The following SCFD2 variants were observed in gnomAD, a reference collection of about 807,000 sequenced individuals.
SCFD2 encodes sec1 family domain containing 2, also known as sec1 family domain-containing protein 2.
SCFD2 carries 54 observed loss-of-function variants against 58.9 expected under a neutral mutation model. The ratio of observed to expected loss-of-function variants is 0.92; its 90% CI spans 0.74 to 1.15. SCFD2 has a LOEUF of 1.15. Among genes scored for constraint, SCFD2 ranks in the 50% most tolerant of loss-of-function variants. The probability of loss-of-function intolerance (pLI) is 0.00; values close to 1 mark genes in which losing one functional copy is unlikely to be tolerated. For missense variants in SCFD2, 805 were observed against 836.6 expected (o/e 0.96, Z 0.47); for synonymous variants, 321 against 335.9 (o/e 0.96, Z 0.49).
chr4:53,332,395 C>T (rs1360099497), intron 2 of SCFD2, among the ~76,000 whole-genome samples: 2 of 151,412 alleles, frequency 1.3e-5, no homozygotes, highest in African/African-American at 2.4e-5. Flanking sequence ...AAAGCTTATC[C>T]ACCATGATCA....
intron 8 of SCFD2, among the ~76,000 whole-genome samples, chr4:52,875,810 A>G (rs1221336859): frequency 4.9e-5 from 1 of 20,240 alleles, no homozygotes; most frequent in Non-Finnish European, 9.6e-5. Flanking sequence ...AACTATATAT[A>G]TATATATATA....
chr4:53,040,707 A>T (rs937792965), intron 5 of SCFD2, among the ~76,000 whole-genome samples: 1 of 152,194 alleles, frequency 6.6e-6, no homozygotes, highest in Non-Finnish European at 1.5e-5. Context: ...CTTCCAATGC[A>T]TGCTTCTTAC....
chr4:53,024,500 T>C (rs1186908483), intron 5 of SCFD2, among the ~76,000 whole-genome samples: 1 of 152,176 alleles, frequency 6.6e-6, no homozygotes, highest in East Asian at 1.9e-4. Flanking sequence ...GAATGAATAG[T>C]TGCATGAATA....
At chr4:52,965,917 T>C (rs2109545870) in intron 5 of SCFD2, among the ~76,000 whole-genome samples, 1 of 152,358 alleles carries the variant, frequency 6.6e-6, no homozygotes, top group Middle Eastern at 3.4e-3. Flanking sequence ...ATGCTACCAG[T>C]TATTGTAATT....
In SCFD2 at chr4:53,085,371, A is replaced by G. The variant is rs565986934; in HGVS notation, c.1561+59962T>C. 1.8e-4 allele frequency among the ~76,000 whole-genome samples: 28 copies of G among 152,280 alleles called. No homozygotes were observed. The South Asian group carries it at 4.1e-3, about 23-fold the overall frequency. ...CAATGAAAACTATAAAACACTGATG[A>G]AGGAAATTAAAGAAGAAACATAAAA... On this transcript the variant is annotated intron_variant, in intron 5 of 8. Coordinates refer to ENST00000401642, the MANE Select transcript of SCFD2 (RefSeq NM_152540.4).
At chr4:52,896,568 G>C (rs1467304015) in intron 7 of SCFD2, among the ~76,000 whole-genome samples, 1 of 152,150 alleles carries the variant, frequency 6.6e-6, no homozygotes, top group Non-Finnish European at 1.5e-5. Flanking sequence ...CTGTAGCCTT[G>C]TAGTATAGTT....
In SCFD2 at chr4:53,211,722, T is replaced by A. The variant is rs550735003; in HGVS notation, c.1311+62104A>T. 3.9e-5 allele frequency among the ~76,000 whole-genome samples: 6 copies of A among 152,212 alleles called. No individual in the cohort carries two copies. The East Asian group carries it at 9.6e-4, about 24-fold the overall frequency. On this transcript the variant is annotated intron_variant, in intron 4 of 8. Coordinates refer to ENST00000401642, the MANE Select transcript of SCFD2 (RefSeq NM_152540.4). ...ATTTGGTCACAAATGTCTTCTTCTG[T>A]GTTGATGATTGTTGTAGTGTGAAAG...
intron 3 of SCFD2, among the ~76,000 whole-genome samples, chr4:53,312,500 T>C (rs902483098): frequency 1.3e-5 from 2 of 151,702 alleles, no homozygotes; most frequent in Admixed American, 6.6e-5. Context: ...TCCAAAGACC[T>C]AGCATACTGT....
At chr4:52,900,747 T>A (rs1256418716) in intron 7 of SCFD2, among the ~76,000 whole-genome samples, 1 of 152,230 alleles carries the variant, frequency 6.6e-6, no homozygotes, top group Non-Finnish European at 1.5e-5. Flanking sequence ...AGGTGGAGCC[T>A]ACAGAGGCAG....
At chr4:52,988,950 C>T (rs1049427967) in intron 5 of SCFD2, among the ~76,000 whole-genome samples, 1 of 152,134 alleles carries the variant, frequency 6.6e-6, no homozygotes, top group African/African-American at 2.4e-5. Context: ...TACAATGTGT[C>T]GACTATCTAC....
At chr4:53,169,856 G>A (rs564220165) in intron 4 of SCFD2, among the ~76,000 whole-genome samples, 9 of 152,192 alleles carry the variant, frequency 5.9e-5, no homozygotes, top group African/African-American at 1.7e-4. Flanking sequence ...ATCTGTTCAG[G>A]TCCCATTCCC....
At chr4:53,197,497 A>T (rs1307289513) in intron 4 of SCFD2, among the ~76,000 whole-genome samples, 2 of 152,118 alleles carry the variant, frequency 1.3e-5, no homozygotes, top group East Asian at 3.8e-4. Context: ...AAATTATTAC[A>T]AAATTTCAGA....
At chr4:53,256,745 C>T (rs1364279533) in intron 4 of SCFD2, among the ~76,000 whole-genome samples, 2 of 151,678 alleles carry the variant, frequency 1.3e-5, no homozygotes, top group African/African-American at 2.4e-5. Context: ...GGCGTGGTGG[C>T]GGGCAGGCAC....
rs530404731 is a variant in SCFD2 at position 53,058,762 on chromosome 4, G to C, written c.1561+86571C>G. Among the ~76,000 whole-genome samples, 3 of 152,238 alleles carry C rather than the reference G, an allele frequency of 2.0e-5. No individual in the cohort carries two copies. The South Asian group carries it at 6.2e-4, about 32-fold the overall frequency. On this transcript the variant is annotated intron_variant, in intron 5 of 8. Transcript: ENST00000401642. Reference sequence around the variant, plus strand: ...AAGACACAATGGTTGAGAACTCTCAGATAAGTGTGGAAGACTGAATATACA... The same window carrying C: ...AAGACACAATGGTTGAGAACTCTCACATAAGTGTGGAAGACTGAATATACA...
chr4:52,882,962 C>CT (rs1404637306), intron 8 of SCFD2, among the ~76,000 whole-genome samples: 1 of 152,192 alleles, frequency 6.6e-6, no homozygotes, highest in East Asian at 1.9e-4. Flanking sequence ...GAAGCACTAG[C>CT]TATGTCTATT....
chr4:53,280,084 T>A (rs1731459931), intron 3 of SCFD2, among the ~76,000 whole-genome samples: 1 of 152,242 alleles, frequency 6.6e-6, no homozygotes, highest in South Asian at 2.1e-4. Context: ...GTTTTCTGGC[T>A]GGTAAAATAT....
At chr4:53,002,168 T>A (rs1216613755) in intron 5 of SCFD2, among the ~76,000 whole-genome samples, 4 of 152,138 alleles carry the variant, frequency 2.6e-5, no homozygotes, top group Non-Finnish European at 4.4e-5. Flanking sequence ...AGGCCCCTTG[T>A]GAGAAACACA....
At chr4:52,972,016 G>A in intron 5 of SCFD2, among the ~76,000 whole-genome samples, 1 of 152,162 alleles carries the variant, frequency 6.6e-6, no homozygotes, top group Non-Finnish European at 1.5e-5. Flanking sequence ...CCTGAAGGAA[G>A]CACTGAACAT....
At chr4:52,951,694 C>T (rs1323401414) in intron 5 of SCFD2, among the ~76,000 whole-genome samples, 1 of 152,170 alleles carries the variant, frequency 6.6e-6, no homozygotes, top group Non-Finnish European at 1.5e-5. Flanking sequence ...CGAGACCCTC[C>T]AGCTCAGCTC....
Sources: gnomAD v4.1 joint callset for allele counts (sites outside exome capture counted in the v4.1 genomes callset) on GRCh38, gnomAD v4.1.1 for gene constraint, MANE v1.5 for transcripts, NCBI Gene and HGNC (gene_info 2026-07-23, HGNC 2026-07-21) for gene names.